Variants in SYT1 observed in about 807,000 individuals in gnomAD.
SYT1 encodes synaptotagmin-1.
A neutral mutation model predicts 44.8 loss-of-function variants in SYT1; 8 were observed. The ratio of observed to expected loss-of-function variants is 0.18; its 90% CI spans 0.10 to 0.32. The LOEUF (loss-of-function observed/expected upper bound fraction) is 0.32, where lower values mean the gene tolerates loss of function less well. Among genes scored for constraint, SYT1 ranks in the 10% least tolerant of loss-of-function variants. The pLI, the probability that SYT1 is intolerant of heterozygous loss-of-function variation, is 1.00. For synonymous variants in SYT1, 154 were observed against 188.8 expected (o/e 0.82, Z 1.51); for missense variants, 286 against 509.3 (o/e 0.56, Z 4.22).
chr12:79,224,718 T>TTTTGC (rs1875386724), intron 4 of SYT1, among the ~76,000 whole-genome samples: 1 of 128,688 alleles, frequency 7.8e-6, no homozygotes, highest in Non-Finnish European at 1.6e-5. Context: ...CGGGTGGTTT[T>TTTTGC]TTTGTTTTGT....
intron 2 of SYT1, among the ~76,000 whole-genome samples, chr12:79,029,348 T>C (rs1447520364): frequency 6.9e-6 from 1 of 145,946 alleles, no homozygotes. Context: ...TGCCATATTG[T>C]ACAAATCAGT....
intron 1 of SYT1, among the ~76,000 whole-genome samples, chr12:78,904,898 A>G (rs910299132): frequency 6.6e-6 from 1 of 152,198 alleles, no homozygotes; most frequent in African/African-American, 2.4e-5. Flanking sequence ...AAGTTTAAAT[A>G]GAATCAACTT....
chr12:79,370,613 T>A (rs902407034), intron 9 of SYT1, among the ~76,000 whole-genome samples: 3 of 151,690 alleles, frequency 2.0e-5, no homozygotes, highest in African/African-American at 7.3e-5. Context: ...ATACAAAAAA[T>A]TTAGCCGGGC....
intron 4 of SYT1, among the ~76,000 whole-genome samples, chr12:79,284,694 C>A (rs560370440): frequency 6.6e-6 from 1 of 151,938 alleles, no homozygotes; most frequent in Admixed American, 6.6e-5. Context: ...TAAAAATTAG[C>A]TGGGCATGGT....
At chr12:79,123,857 A>C (rs958117758) in intron 3 of SYT1, among the ~76,000 whole-genome samples, 2 of 152,208 alleles carry the variant, frequency 1.3e-5, no homozygotes, top group African/African-American at 4.8e-5. Context: ...AAAAGAAAAA[A>C]AAAGTCTTAA....
At chr12:78,939,856 A>T (rs2137244909) in intron 1 of SYT1, among the ~76,000 whole-genome samples, 1 of 152,294 alleles carries the variant, frequency 6.6e-6, no homozygotes, top group South Asian at 2.1e-4. Flanking sequence ...TTATAGAGAA[A>T]TTAGGGTTTC....
chr12:79,143,230 C>T (rs1306079924), intron 3 of SYT1, among the ~76,000 whole-genome samples: 1 of 152,152 alleles, frequency 6.6e-6, no homozygotes. Context: ...CATTTATACA[C>T]ACATAACATC....
At chr12:78,955,815 TG>T (rs1879183540) in intron 1 of SYT1, among the ~76,000 whole-genome samples, 1 of 151,166 alleles carries the variant, frequency 6.6e-6, no homozygotes, top group Non-Finnish European at 1.5e-5. Flanking sequence ...TGTGTGTGTG[TG>T]TGTGTGTGTG....
At chr12:79,443,142 A>T (rs1870522507) in intron 9 of SYT1, among the ~76,000 whole-genome samples, 1 of 152,128 alleles carries the variant, frequency 6.6e-6, no homozygotes, top group Non-Finnish European at 1.5e-5. Context: ...GAACCTGCTC[A>T]GGGGATCTTT....
chr12:79,134,915 G>A (rs147894924), intron 3 of SYT1, among the ~76,000 whole-genome samples: 142 of 151,894 alleles, frequency 9.3e-4, no homozygotes, highest in African/African-American at 3.3e-3. Flanking sequence ...GTATAGCATG[G>A]TAACTATAGA....
chr12:78,891,893 G>A (rs1375862363), intron 1 of SYT1, among the ~76,000 whole-genome samples: 6 of 151,878 alleles, frequency 4.0e-5, no homozygotes, highest in African/African-American at 1.4e-4. Flanking sequence ...GATCCACAGT[G>A]CTAGCACTGA....
chr12:79,086,806 G>A lies in SYT1; in HGVS notation c.-18+39444G>A, dbSNP rs538240322. Among the ~76,000 whole-genome samples, 12 of 152,278 alleles carry A rather than the reference G, an allele frequency of 7.9e-5. No homozygotes were observed. The East Asian group carries it at 9.7e-4, about 12-fold the overall frequency. On this transcript the variant is annotated intron_variant, in intron 3 of 10. Coordinates refer to ENST00000261205, the MANE Select transcript of SYT1 (RefSeq NM_005639.3). ...TGGGGTTTTCTCCCAAGGCTGTTGC[G>A]TGCTGTGTGCAGCATATCTAAGCTG...
At chr12:78,869,459 A>G (rs1412500964) in intron 1 of SYT1, among the ~76,000 whole-genome samples, 1 of 151,994 alleles carries the variant, frequency 6.6e-6, no homozygotes, top group Non-Finnish European at 1.5e-5. Context: ...TTTTATTAAA[A>G]AAGGAAAACT....
chr12:79,203,292 C>T (rs1055060234), intron 3 of SYT1, among the ~76,000 whole-genome samples: 1 of 152,232 alleles, frequency 6.6e-6, no homozygotes, highest in South Asian at 2.1e-4. Flanking sequence ...GTTTATAGCT[C>T]GCTGTCCATA....
At chr12:79,242,836 T>A (rs557439519) in intron 4 of SYT1, among the ~76,000 whole-genome samples, 38 of 152,338 alleles carry the variant, frequency 2.5e-4, no homozygotes, top group African/African-American at 8.4e-4. Flanking sequence ...TAACTTTACA[T>A]TGAAAATTGT....
chr12:79,119,475 A>T (rs993983169), intron 3 of SYT1, among the ~76,000 whole-genome samples: 1 of 149,324 alleles, frequency 6.7e-6, no homozygotes, highest in East Asian at 1.9e-4. Flanking sequence ...TTCTCACATA[A>T]GGTGTTTTTT....
intron 1 of SYT1, among the ~76,000 whole-genome samples, chr12:78,913,349 GA>G (rs1158502465): frequency 6.6e-6 from 1 of 151,076 alleles, no homozygotes; most frequent in Non-Finnish European, 1.5e-5. Context: ...TATTTGAGAA[GA>G]TCCATAAACT....
chr12:79,108,792 TTA>T (rs1352110457), intron 3 of SYT1, among the ~76,000 whole-genome samples: 1 of 152,248 alleles, frequency 6.6e-6, no homozygotes, highest in Non-Finnish European at 1.5e-5. Flanking sequence ...TAAAATTTAT[TTA>T]TGAGTACTGA....
chr12:79,392,798 C>CTTTTTTTTTTTTTT (rs755888075), intron 9 of SYT1: 62 of 98,782 alleles, frequency 6.3e-4, no homozygotes, highest in East Asian at 8.2e-4. Flanking sequence ...ATTTTTCTTT[C>CTTTTTTTTTTTTTT]TTTTTTTTTT....
Sources: gnomAD v4.1 joint callset for allele counts (sites outside exome capture counted in the v4.1 genomes callset) on GRCh38, gnomAD v4.1.1 for gene constraint, MANE v1.5 for transcripts, NCBI Gene and HGNC (gene_info 2026-07-23, HGNC 2026-07-21) for gene names.